The following PUS7 variants were observed in gnomAD, a reference collection of about 807,000 sequenced individuals.
PUS7 encodes pseudouridylate synthase 7 homolog.
In PUS7, 48 loss-of-function variants were observed where a neutral mutation model predicts 79.8. The observed-to-expected ratio is 0.60, with a 90% confidence interval of 0.48 to 0.76. The LOEUF is 0.76. Ranked by LOEUF, PUS7 falls within the 30% of genes least tolerant of loss-of-function variation. The pLI is 0.00. For missense variants in PUS7, 729 were observed against 797.6 expected (o/e 0.91, Z 1.04); for synonymous variants, 286 against 272.2 (o/e 1.05, Z -0.50).
At position 105,470,816 on chromosome 7, in the gene PUS7, C is replaced by A; in HGVS notation, c.1270G>T (p.Glu424Ter). 1 of 1,608,048 alleles carries A rather than the reference C, an allele frequency of 6.2e-7. No homozygotes were observed. The highest frequency in any genetic ancestry group is 1.1e-5 in the South Asian group (1 of 90,738). ...GTTGGGTCTTTGGTCTTTGCCCATTCTTCTCTGCATTTAACCAAGTAGCCC... is the reference window on the plus strand; with the variant it reads ...GTTGGGTCTTTGGTCTTTGCCCATTATTCTCTGCATTTAACCAAGTAGCCC... ...EKGYLVKCREEWAKTKDPTAA... is the reference protein window; with the variant it reads ...EKGYLVKCRE Residue 424 changes from glutamate (E) to a stop codon, truncating the protein, a stop_gained, in exon 11 of 16, where the codon GAA becomes TAA. Transcript: ENST00000469408. LOFTEE classifies it high-confidence loss of function.
At chr7:105,500,643 A>T (rs1825208941) in intron 5 of PUS7, among the ~76,000 whole-genome samples, 1 of 152,150 alleles carries the variant, frequency 6.6e-6, no homozygotes, top group Non-Finnish European at 1.5e-5. Context: ...ATAACTCCCT[A>T]GCAGCCTTCC....
At position 105,465,399 on chromosome 7, in the gene PUS7, A is replaced by G. The variant is rs374840249; in HGVS notation, c.1541T>C (p.Ile514Thr). 7 of 1,611,464 alleles carry G rather than the reference A, an allele frequency of 4.3e-6. No individual in the cohort carries two copies. In the African/African-American group the frequency reaches 6.7e-5, roughly 15 times the overall value. Residue 514 changes from isoleucine to threonine, a missense_variant, in exon 13 of 16, where the codon ATT becomes ACT. Coordinates refer to ENST00000469408, the MANE Select transcript of PUS7 (RefSeq NM_019042.5). ...GTAATTATTAACATCATCTTCCTCAATATAGGTGGCTGTGGCTGTAAATTC... is the reference window on the plus strand; with the variant it reads ...GTAATTATTAACATCATCTTCCTCAGTATAGGTGGCTGTGGCTGTAAATTC... Reference protein sequence around the residue: ...LVLKGATATYIEEDDVNNYSI... With the variant: ...LVLKGATATYTEEDDVNNYSI...
chr7:105,466,286 C>T (rs1823641134), intron 12 of PUS7, among the ~76,000 whole-genome samples: 1 of 151,948 alleles, frequency 6.6e-6, no homozygotes, highest in Non-Finnish European at 1.5e-5. Context: ...GAGACAGGGT[C>T]TTGCTCTGCC....
At chr7:105,503,038 G>A (rs369644831) in intron 4 of PUS7, among the ~76,000 whole-genome samples, 7 of 152,138 alleles carry the variant, frequency 4.6e-5, no homozygotes, top group Non-Finnish European at 5.9e-5. Flanking sequence ...TGCAAATCCC[G>A]GGAGCCTGTT....
chr7:105,517,644 T>C (rs1825947588), intron 1 of PUS7, among the ~76,000 whole-genome samples: 1 of 152,188 alleles, frequency 6.6e-6, no homozygotes, highest in South Asian at 2.1e-4. Context: ...TGTGTGCATG[T>C]AGTCCCAGCT....
chr7:105,486,111 G>C (rs1383202875), intron 7 of PUS7, among the ~76,000 whole-genome samples: 2 of 151,596 alleles, frequency 1.3e-5, no homozygotes, highest in Admixed American at 6.6e-5. Flanking sequence ...GAGTGCACTA[G>C]TGTGATCTAG....
At chr7:105,483,306 G>T (rs574806740) in intron 7 of PUS7, among the ~76,000 whole-genome samples, 1 of 152,174 alleles carries the variant, frequency 6.6e-6, no homozygotes, top group African/African-American at 2.4e-5. Context: ...GGGCTTACAG[G>T]CGCACACCAC....
At chr7:105,501,954 C>CA (rs1260361044) in intron 5 of PUS7, among the ~76,000 whole-genome samples, 23 of 124,248 alleles carry the variant, frequency 1.9e-4, no homozygotes, top group East Asian at 4.6e-4. Context: ...GACTCCGTCT[C>CA]AAAAAAAAAA....
chr7:105,514,555 G>A (rs1825820826), intron 1 of PUS7, among the ~76,000 whole-genome samples: 2 of 151,662 alleles, frequency 1.3e-5, no homozygotes, highest in African/African-American at 4.8e-5. Context: ...AGTGAGCCGA[G>A]ATCGCGCCAC....
intron 5 of PUS7, among the ~76,000 whole-genome samples, chr7:105,498,313 C>T (rs1825116117): frequency 6.6e-6 from 1 of 152,150 alleles, no homozygotes; most frequent in African/African-American, 2.4e-5. Context: ...AAACTCCACC[C>T]CCTAAGAATG....
At chr7:105,501,272 C>A (rs1490585207) in intron 5 of PUS7, among the ~76,000 whole-genome samples, 2 of 152,068 alleles carry the variant, frequency 1.3e-5, no homozygotes, top group Admixed American at 1.3e-4. Context: ...TAGAATTTTG[C>A]CCCAAATATA....
intron 5 of PUS7, among the ~76,000 whole-genome samples, chr7:105,497,296 G>A (rs928695104): frequency 1.3e-5 from 2 of 152,150 alleles, no homozygotes; most frequent in Non-Finnish European, 2.9e-5. Context: ...GATAGTAAAT[G>A]CTTCCCCAAA....
rs1183993325 is a variant in PUS7, at chr7:105,470,703, G to C, written c.1383C>G (p.Val461=). Reference sequence around the variant, plus strand: ...TTGCACTCACTATGCCAAATGCAGAGACTATATTCTTCATTCCATATTTTG... The same window carrying C: ...TTGCACTCACTATGCCAAATGCAGACACTATATTCTTCATTCCATATTTTG... ...GLSKYGMKNI[V]SAFGIIPRNN... The change falls in exon 11 of 16, where the codon GTC becomes GTG. Residue 461 remains valine, a synonymous_variant. Transcript: ENST00000469408. 2 of 1,602,728 alleles carry C rather than the reference G, an allele frequency of 1.2e-6. No individual in the cohort carries two copies. The highest frequency in any genetic ancestry group is 1.3e-5 in the African/African-American group (1 of 74,736).
chr7:105,521,242 G>A (rs948539995), intron 1 of PUS7, among the ~76,000 whole-genome samples: 2 of 113,990 alleles, frequency 1.8e-5, no homozygotes, highest in African/African-American at 2.6e-5. Context: ...ATGGGGGGGA[G>A]GGAACCTTAG....
intron 6 of PUS7, 128 bp downstream of exon 6, chr7:105,495,014 C>A: frequency 3.1e-4 from 122 of 389,028 alleles, no homozygotes; most frequent in East Asian, 8.1e-4. Context: ...AGAAAGAAAA[C>A]TATCATTGGG....
chr7:105,470,658 C>T, intron 11 of PUS7, 30 bp downstream of exon 11: 1 of 1,533,840 alleles, frequency 6.5e-7, no homozygotes, highest in South Asian at 1.2e-5. Flanking sequence ...ACGCCTTGAG[C>T]CATTGCCTGA....
intron 4 of PUS7, among the ~76,000 whole-genome samples, 197 bp downstream of exon 4, chr7:105,505,758 G>T (rs922049406): frequency 3.3e-5 from 5 of 151,458 alleles, no homozygotes; most frequent in African/African-American, 7.3e-5. Flanking sequence ...ATGTAACTTT[G>T]GGGGGGGCTA....
chr7:105,499,449 T>TA (rs1411460290), intron 5 of PUS7, among the ~76,000 whole-genome samples: 3 of 152,228 alleles, frequency 2.0e-5, no homozygotes, highest in Non-Finnish European at 4.4e-5. Flanking sequence ...TTCTTTTTTT[T>TA]ACATAAGTCT....
chr7:105,489,481 G>A (rs2133167674), intron 7 of PUS7, among the ~76,000 whole-genome samples: 1 of 152,134 alleles, frequency 6.6e-6, no homozygotes, highest in Non-Finnish European at 1.5e-5. Flanking sequence ...CTGAGCAAAT[G>A]ACTCCACATT....
Sources: gnomAD v4.1 joint callset for allele counts (sites outside exome capture counted in the v4.1 genomes callset) on GRCh38, gnomAD v4.1.1 for gene constraint, MANE v1.5 for transcripts, NCBI Gene and HGNC (gene_info 2026-07-23, HGNC 2026-07-21) for gene names.